SYT16: variants seen among roughly 807,000 people sequenced by gnomAD.
SYT16 encodes synaptotagmin-16.
Under a neutral mutation model 61.4 loss-of-function variants are expected in SYT16, and 42 were observed. The observed-to-expected ratio is 0.68, with a 90% CI of 0.53 to 0.89. The LOEUF (loss-of-function observed/expected upper bound fraction) is 0.89, where lower values mean the gene tolerates loss of function less well. Ranked by LOEUF, SYT16 falls within the 40% of genes least tolerant of loss-of-function variation. SYT16 has a pLI of 0.00. For synonymous variants in SYT16, 314 were observed against 302.3 expected, an observed-to-expected ratio of 1.04 and a Z score of -0.40; for missense variants, 804 against 807.3, an observed-to-expected ratio of 1.00 and a Z score of 0.05.
intron 3 of SYT16, among the ~76,000 whole-genome samples, chr14:62,045,184 A>G (rs901692433): frequency 3.3e-5 from 5 of 152,086 alleles, no homozygotes; most frequent in African/African-American, 1.2e-4. Flanking sequence ...GTTTGCTGCT[A>G]TGTAGTTTAG....
chr14:61,922,042 C>T (rs2049351753), intron 1 of SYT16, among the ~76,000 whole-genome samples: 1 of 152,172 alleles, frequency 6.6e-6, no homozygotes, highest in African/African-American at 2.4e-5. Flanking sequence ...GTCAATGCTA[C>T]AGTCTCAAAA....
chr14:61,900,625 GA>G (rs2140356824), intron 1 of SYT16, among the ~76,000 whole-genome samples: 1 of 152,084 alleles, frequency 6.6e-6, no homozygotes, highest in African/African-American at 2.4e-5. Flanking sequence ...GGGCCTGCAG[GA>G]GAGAGAAGCA....
chr14:61,931,667 C>T (rs1173906603), intron 1 of SYT16, among the ~76,000 whole-genome samples: 2 of 152,122 alleles, frequency 1.3e-5, no homozygotes, highest in Admixed American at 6.5e-5. Flanking sequence ...TAGGTTGTTT[C>T]CATTTTTTCC....
chr14:62,077,512 A>G (rs1185879470), intron 5 of SYT16: 2 of 152,204 alleles, frequency 1.3e-5, no homozygotes, highest in African/African-American at 4.8e-5. Context: ...CAGGTGTCCC[A>G]CTTTTCATCT....
At chr14:61,823,779 T>C (rs987515073) in intron 1 of SYT16, among the ~76,000 whole-genome samples, 1 of 152,066 alleles carries the variant, frequency 6.6e-6, no homozygotes, top group African/African-American at 2.4e-5. Flanking sequence ...CAGAATGTGA[T>C]AGAAATCTAG....
chr14:61,847,980 C>T (rs920588787), intron 1 of SYT16, among the ~76,000 whole-genome samples: 3 of 152,136 alleles, frequency 2.0e-5, no homozygotes, highest in African/African-American at 4.8e-5. Flanking sequence ...TGAATTTCAT[C>T]GAGTTTCCTC....
At chr14:62,078,155 CTATA>C (rs374965535) in intron 5 of SYT16, among the ~76,000 whole-genome samples, 4 of 135,936 alleles carry the variant, frequency 2.9e-5, no homozygotes, top group Admixed American at 2.2e-4. Flanking sequence ...CTCTCTCTCT[CTATA>C]TATATATATA....
intron 5 of SYT16, chr14:62,079,381 C>A: frequency 8.1e-7 from 1 of 1,228,300 alleles, no homozygotes; most frequent in Admixed American, 2.7e-5. Context: ...TATTAGATGT[C>A]TACTGTCTGT....
At chr14:61,945,888 G>T (rs1192000686) in intron 1 of SYT16, among the ~76,000 whole-genome samples, 12 of 130,494 alleles carry the variant, frequency 9.2e-5, no homozygotes, top group African/African-American at 3.1e-4. Flanking sequence ...AAAAAAAAAG[G>T]ATGAGTTAAT....
chr14:62,072,364 C>A (rs1007275278), intron 4 of SYT16, among the ~76,000 whole-genome samples: 3 of 152,056 alleles, frequency 2.0e-5, no homozygotes, highest in Admixed American at 2.0e-4. Context: ...CATGTACATG[C>A]AAACACCTGC....
At chr14:61,932,957 T>A (rs2049835332) in intron 1 of SYT16, among the ~76,000 whole-genome samples, 1 of 152,250 alleles carries the variant, frequency 6.6e-6, no homozygotes, top group South Asian at 2.1e-4. Flanking sequence ...TAGCTTTGGC[T>A]GTTTTTGTAA....
chr14:61,858,362 A>G lies in SYT16; in HGVS notation c.-325+45552A>G, dbSNP rs963321552. ...ATATGCTCAATGTTATTACATGTAC[A>G]AAAGGAGATTATAAAAAAATGGAAT... On this transcript the variant is annotated intron_variant, in intron 1 of 7. Coordinates refer to ENST00000683842, the MANE Select transcript of SYT16 (RefSeq NM_001367656.1). Among the ~76,000 whole-genome samples the G allele has an allele frequency of 2.6e-5, 4 of 152,284 alleles. No individual in the cohort carries two copies. The South Asian group carries it at 8.3e-4, about 32-fold the overall frequency.
At chr14:62,032,411 G>T (rs1169537283) in intron 3 of SYT16, among the ~76,000 whole-genome samples, 1 of 151,936 alleles carries the variant, frequency 6.6e-6, no homozygotes, top group African/African-American at 2.4e-5. Context: ...ACATTTAAAA[G>T]AATCAAGGAT....
chr14:61,824,082 A>G lies in SYT16; in HGVS notation c.-325+11272A>G, dbSNP rs140166901. On this transcript the variant is annotated intron_variant, in intron 1 of 7. Coordinates refer to ENST00000683842, the MANE Select transcript of SYT16 (RefSeq NM_001367656.1). The stretch of plus-strand genomic sequence containing the variant: ...TATATAAAATGAATATAAAGAGAAG[A>G]GTCTGAACTCACTTTATTAAAAAGG... Among the ~76,000 whole-genome samples the G allele has an allele frequency of 2.5e-3, 381 of 152,302 alleles. 1 individual carries two copies. The highest frequency in any genetic ancestry group is 4.0e-3 in the Non-Finnish European group (274 of 68,036).
rs2057597164 is a variant in SYT16 at position 62,110,887 on chromosome 14, T to G, written c.*10180T>G. On this transcript the variant is annotated 3_prime_UTR_variant, in exon 8 of 8. Transcript: ENST00000683842. ...GCCAAAAAAGGTCCTTCAATCTCCT[T>G]TATTATTTTTCTTTTGAAGAATCAA... The G allele has an allele frequency of 1.3e-5, 2 of 152,060 alleles. No individual in the cohort carries two copies. The highest frequency in any genetic ancestry group is 4.8e-5 in the African/African-American group (2 of 41,436). The allele number at this position is 152,060 out of a possible 1,614,324, so 9.4% of individuals were successfully genotyped here.
intron 1 of SYT16, among the ~76,000 whole-genome samples, chr14:61,853,184 G>T (rs1401753547): frequency 6.6e-6 from 1 of 152,228 alleles, no homozygotes; most frequent in Non-Finnish European, 1.5e-5. Context: ...CTCCCAAAGT[G>T]CTGGGATTAC....
chr14:61,949,976 G>A (rs1162795116), intron 1 of SYT16, among the ~76,000 whole-genome samples: 3 of 152,160 alleles, frequency 2.0e-5, no homozygotes, highest in Admixed American at 1.3e-4. Flanking sequence ...CAGAGTCCCA[G>A]TTTTTTAGTT....
At chr14:62,067,130 G>C (rs1459607344) in intron 3 of SYT16, among the ~76,000 whole-genome samples, 1 of 151,988 alleles carries the variant, frequency 6.6e-6, no homozygotes, top group African/African-American at 2.4e-5. Flanking sequence ...GTATGTGTGT[G>C]TGCATGGATA....
rs1264970592 is a variant in SYT16, at chr14:62,107,850, T to C, written c.*7143T>C. Reference sequence around the variant, plus strand: ...ATAGCATCAAATAGGATATTTAGTATTCTTGACTTTTATAATTAAATACTG... The same window carrying C: ...ATAGCATCAAATAGGATATTTAGTACTCTTGACTTTTATAATTAAATACTG... On this transcript the variant is annotated 3_prime_UTR_variant, in exon 8 of 8. Transcript: ENST00000683842. 1 of 152,256 alleles carries C rather than the reference T, an allele frequency of 6.6e-6. No individual in the cohort carries two copies. The highest frequency in any genetic ancestry group is 2.4e-5 in the African/African-American group (1 of 41,468). The allele number at this position is 152,256 out of a possible 1,614,324, so 9.4% of individuals were successfully genotyped here. A position where few individuals can be genotyped will look rare whatever the true frequency, so the allele number is the denominator to read the frequency against.
Sources: allele counts gnomAD v4.1 joint callset (sites outside exome capture counted in the v4.1 genomes callset), GRCh38; gene constraint gnomAD v4.1.1; transcripts MANE v1.5; gene names NCBI Gene and HGNC (gene_info 2026-07-23, HGNC 2026-07-21).